Variants in KCNK10 observed in about 807,000 individuals in gnomAD.
The protein encoded by KCNK10 is potassium channel subfamily K member 10.
A neutral mutation model predicts 47.7 loss-of-function variants in KCNK10; 25 were observed. The ratio of observed to expected loss-of-function variants is 0.52; its 90% confidence interval spans 0.38 to 0.73. The LOEUF is 0.73. KCNK10 is among the 30% of genes least tolerant of loss of function. The pLI, the probability that KCNK10 is intolerant of heterozygous loss-of-function variation, is 0.00. For synonymous variants in KCNK10, 303 were observed against 285.6 expected, an observed-to-expected ratio of 1.06 and a Z score of -0.61; for missense variants, 563 against 714.5, an observed-to-expected ratio of 0.79 and a Z score of 2.42.
chr14:88,231,786 T>G (rs1886166280), intron 3 of KCNK10, among the ~76,000 whole-genome samples: 1 of 152,186 alleles, frequency 6.6e-6, no homozygotes, highest in Non-Finnish European at 1.5e-5. Flanking sequence ...CTGAAGGTAT[T>G]CCGTTTGCTA....
chr14:88,323,001 G>A lies in KCNK10; in HGVS notation c.-203C>T. On this transcript the variant is annotated 5_prime_UTR_variant, in exon 1 of 7. Coordinates refer to ENST00000319231, the MANE Select transcript of KCNK10 (RefSeq NM_138317.3). The stretch of plus-strand genomic sequence containing the variant: ...AGAACTGGAGAGGGCTTGGGTGTTT[G>A]CACCGGCCAGGGGGTGGCCGGCCGC... 7.1e-7 allele frequency: 1 copy of A among 1,400,394 alleles called. No homozygotes were observed. 86.7% of individuals were successfully genotyped at this position (1,400,394 alleles called of 1,614,324 possible). A position where few individuals can be genotyped will look rare whatever the true frequency, so the allele number is the denominator to read the frequency against.
chr14:88,204,501 GCCT>G (rs963496382), intron 4 of KCNK10, among the ~76,000 whole-genome samples: 12 of 151,826 alleles, frequency 7.9e-5, no homozygotes, highest in African/African-American at 1.2e-4. Context: ...GCCTCATGCT[GCCT>G]CCTCCTCCTC....
intron 1 of KCNK10, among the ~76,000 whole-genome samples, chr14:88,290,985 G>A (rs1263137228): frequency 1.3e-5 from 2 of 152,202 alleles, no homozygotes; most frequent in Non-Finnish European, 2.9e-5. Flanking sequence ...GTGGGAAGAG[G>A]CCCACTAGGG....
At chr14:88,196,845 A>G (rs1412660588) in intron 4 of KCNK10, among the ~76,000 whole-genome samples, 1 of 152,198 alleles carries the variant, frequency 6.6e-6, no homozygotes, top group Non-Finnish European at 1.5e-5. Flanking sequence ...TTCTTATAAC[A>G]TGTTTTCTTC....
Position 88,183,662 on chromosome 14 carries a change from A to G in KCNK10, c.*1873T>C, listed in dbSNP as rs1884443749. On this transcript the variant is annotated 3_prime_UTR_variant, in exon 7 of 7. Coordinates refer to ENST00000319231, the MANE Select transcript of KCNK10 (RefSeq NM_138317.3). ...AGGAGTTGACTTAGACCTTCCTTGG[A>G]CAGGAAGGGTCTCATAAGCAATGCC... 6.6e-6 allele frequency: 1 copy of G among 152,302 alleles called. No homozygotes were observed. Among genetic ancestry groups the G allele is most frequent in the African/African-American group, 2.4e-5 (1 of 41,434 alleles). The allele number at this position is 152,302 out of a possible 1,614,324, so 9.4% of individuals were successfully genotyped here. A position where few individuals can be genotyped will look rare whatever the true frequency, so the allele number is the denominator to read the frequency against.
At chr14:88,196,024 T>A (rs894396779) in intron 4 of KCNK10, among the ~76,000 whole-genome samples, 2 of 152,242 alleles carry the variant, frequency 1.3e-5, no homozygotes, top group African/African-American at 4.8e-5. Flanking sequence ...AGGGAAGAGA[T>A]GGTCTGATAT....
chr14:88,256,912 A>C (rs1886973074), intron 2 of KCNK10, among the ~76,000 whole-genome samples: 1 of 152,054 alleles, frequency 6.6e-6, no homozygotes, highest in African/African-American at 2.4e-5. Flanking sequence ...CGCAATCTCC[A>C]TTTCACAGAA....
At chr14:88,196,595 C>T (rs1386975110) in intron 4 of KCNK10, among the ~76,000 whole-genome samples, 1 of 152,088 alleles carries the variant, frequency 6.6e-6, no homozygotes, top group African/African-American at 2.4e-5. Context: ...ATTGTTTTGT[C>T]TGGCTGGGAA....
intron 3 of KCNK10, among the ~76,000 whole-genome samples, chr14:88,228,455 G>A (rs536359766): frequency 6.6e-6 from 1 of 152,292 alleles, no homozygotes; most frequent in African/African-American, 2.4e-5. Flanking sequence ...TTTATATGGA[G>A]ATGAAAGTCT....
At chr14:88,282,555 T>C (rs1426576458) in intron 1 of KCNK10, among the ~76,000 whole-genome samples, 1 of 152,184 alleles carries the variant, frequency 6.6e-6, no homozygotes, top group Non-Finnish European at 1.5e-5. Flanking sequence ...AGAAGACACC[T>C]ATTTTTAGGG....
rs1884290866 is a variant in KCNK10 at position 88,180,136 on chromosome 14, A to G, written c.*5399T>C. 1 of 152,306 alleles carries G rather than the reference A, an allele frequency of 6.6e-6. No homozygotes were observed. The highest frequency in any genetic ancestry group is 1.5e-5 in the Non-Finnish European group (1 of 68,020). The allele number at this position is 152,306 out of a possible 1,614,324, so 9.4% of individuals were successfully genotyped here. A position where few individuals can be genotyped will look rare whatever the true frequency, so the allele number is the denominator to read the frequency against. Reference sequence around the variant, plus strand: ...GATCTTCCAGAAGGTCTTTGTTGCAATTTTTCTCCATCATTGAAAAAAAAA... The same window carrying G: ...GATCTTCCAGAAGGTCTTTGTTGCAGTTTTTCTCCATCATTGAAAAAAAAA... On this transcript the variant is annotated 3_prime_UTR_variant, in exon 7 of 7. Coordinates refer to ENST00000319231, the MANE Select transcript of KCNK10 (RefSeq NM_138317.3).
chr14:88,249,529 T>C (rs1436622969), intron 2 of KCNK10, among the ~76,000 whole-genome samples: 1 of 152,160 alleles, frequency 6.6e-6, no homozygotes, highest in African/African-American at 2.4e-5. Flanking sequence ...TTCCTTGTCT[T>C]CTAGAACCAA....
At chr14:88,252,182 TGA>T (rs1470457787) in intron 2 of KCNK10, among the ~76,000 whole-genome samples, 1 of 152,072 alleles carries the variant, frequency 6.6e-6, no homozygotes, top group Non-Finnish European at 1.5e-5. Context: ...CCCAAAGTGC[TGA>T]GATTATAGAC....
intron 4 of KCNK10, among the ~76,000 whole-genome samples, chr14:88,195,049 A>C (rs967202515): frequency 6.6e-6 from 1 of 151,904 alleles, no homozygotes; most frequent in Non-Finnish European, 1.5e-5. Flanking sequence ...AGTTGCCTTA[A>C]TTGAACATTT....
In KCNK10 at chr14:88,185,722, C is replaced by T. The variant is rs781600628; in HGVS notation, c.1445G>A (p.Arg482Gln). The change falls in exon 7 of 7, where the codon CGG becomes CAG. Residue 482 changes from arginine (R) to glutamine (Q), a missense_variant. Coordinates refer to ENST00000319231, the MANE Select transcript of KCNK10 (RefSeq NM_138317.3). This position sits in a 1 kb window ranked among gnomAD's most constrained non-coding sequence, Gnocchi z 4.3. The part of the protein sequence containing the change: ...EDVQKIYKTF[R>Q]NYSLDEEKKE... The stretch of plus-strand genomic sequence containing the variant: ...CTTCTCCTCGTCCAGGGAGTAATTC[C>T]GGAAGGTCTTGTAGATTTTCTGAAC... 4.8e-5 allele frequency: 78 copies of T among 1,613,968 alleles called. No homozygotes were observed. The highest frequency in any genetic ancestry group is 2.0e-4 in the South Asian group (18 of 91,066).
At chr14:88,280,967 T>C (rs997486373) in intron 1 of KCNK10, among the ~76,000 whole-genome samples, 2 of 150,782 alleles carry the variant, frequency 1.3e-5, no homozygotes, top group East Asian at 1.9e-4. Context: ...TAGAATAAAA[T>C]GCAAGCCCCT....
chr14:88,235,745 G>A (rs1886282239), intron 3 of KCNK10, among the ~76,000 whole-genome samples: 1 of 152,058 alleles, frequency 6.6e-6, no homozygotes, highest in African/African-American at 2.4e-5. Flanking sequence ...GAGCAAAGAA[G>A]TTACAATATA....
At chr14:88,288,723 C>T (rs958933650) in intron 1 of KCNK10, among the ~76,000 whole-genome samples, 4 of 152,188 alleles carry the variant, frequency 2.6e-5, no homozygotes, top group Non-Finnish European at 5.9e-5. Context: ...CCCTCAATAC[C>T]GCCCAGCCAC....
chr14:88,208,171 C>G (rs1026495518), intron 4 of KCNK10, among the ~76,000 whole-genome samples: 36 of 152,196 alleles, frequency 2.4e-4, no homozygotes, highest in African/African-American at 8.2e-4. Flanking sequence ...TTTTATTTCC[C>G]TAAAAATAGA....
Sources: gnomAD v4.1 joint callset for allele counts (sites outside exome capture counted in the v4.1 genomes callset) on GRCh38, gnomAD v4.1.1 for gene constraint, Gnocchi (gnomAD v3.1) non-coding constraint, MANE v1.5 for transcripts, NCBI Gene and HGNC (gene_info 2026-07-23, HGNC 2026-07-21) for gene names.